Variants in AGBL1 observed in about 807,000 individuals in gnomAD.
AGBL1 encodes cytosolic carboxypeptidase 4.
A neutral mutation model predicts 118.9 loss-of-function variants in AGBL1; 130 were observed. The observed-to-expected ratio is 1.09, with a 90% CI of 0.95 to 1.26. AGBL1 has a LOEUF of 1.26. AGBL1 is among the 50% of genes most tolerant of loss of function. The probability of loss-of-function intolerance (pLI) is 0.00; values close to 1 mark genes in which losing one functional copy is unlikely to be tolerated. For missense variants in AGBL1, 1,584 were observed against 1,298.1 expected (o/e 1.22, Z -3.38); for synonymous variants, 555 against 478.9 (o/e 1.16, Z -2.08).
chr15:86,607,013 T>C (rs369218419), intron 21 of AGBL1, among the ~76,000 whole-genome samples: 29 of 148,780 alleles, frequency 1.9e-4, no homozygotes, highest in African/African-American at 7.1e-4. Flanking sequence ...TTTTAAAAAC[T>C]CTCTCCATAG....
At chr15:86,421,519 A>G (rs1040523321) in intron 18 of AGBL1, among the ~76,000 whole-genome samples, 2 of 152,230 alleles carry the variant, frequency 1.3e-5, no homozygotes, top group African/African-American at 4.8e-5. Flanking sequence ...GGTAAAGAAC[A>G]TTGACACTAT....
intron 5 of AGBL1, among the ~76,000 whole-genome samples, chr15:86,193,604 T>C (rs1754466521): frequency 6.6e-6 from 1 of 152,136 alleles, no homozygotes; most frequent in Admixed American, 6.6e-5. Flanking sequence ...GGACTGCATC[T>C]GTGAGTCTCT....
At chr15:86,343,765 C>G (rs1245531963) in intron 17 of AGBL1, among the ~76,000 whole-genome samples, 2 of 152,144 alleles carry the variant, frequency 1.3e-5, no homozygotes, top group South Asian at 2.1e-4. Flanking sequence ...AGTTTCTTCC[C>G]TTTTAGAGAA....
intron 22 of AGBL1, among the ~76,000 whole-genome samples, chr15:86,764,613 C>T (rs997786830): frequency 2.0e-5 from 3 of 151,998 alleles, no homozygotes; most frequent in Admixed American, 6.6e-5. Context: ...ATAATAAAGG[C>T]GTTGTTTATG....
intron 7 of AGBL1, among the ~76,000 whole-genome samples, chr15:86,252,878 G>C (rs915937427): frequency 2.0e-5 from 3 of 152,126 alleles, no homozygotes; most frequent in African/African-American, 7.2e-5. Context: ...TTGAAGCTAC[G>C]CCACATCTGC....
chr15:86,859,448 T>G (rs2079530063), intron 22 of AGBL1, among the ~76,000 whole-genome samples: 1 of 152,186 alleles, frequency 6.6e-6, no homozygotes, highest in Non-Finnish European at 1.5e-5. Context: ...ATAGAAGTAG[T>G]GTGAAGTTGA....
chr15:86,963,830 G>C (rs2081018641), intron 23 of AGBL1, among the ~76,000 whole-genome samples: 1 of 151,946 alleles, frequency 6.6e-6, no homozygotes. Context: ...ACGAGTGTCT[G>C]ATTTTTCCCA....
chr15:86,827,345 ATATATATATATATATATGTGTGTG>A (rs1162191713), intron 22 of AGBL1, among the ~76,000 whole-genome samples: 7 of 10,864 alleles, frequency 6.4e-4, no homozygotes, highest in African/African-American at 5.5e-3. Flanking sequence ...ATATGTGTAT[ATATATATATATATATATGTGTGTG>A]TATATATATA....
intron 22 of AGBL1, among the ~76,000 whole-genome samples, chr15:86,741,093 A>G (rs1021650418): frequency 3.3e-5 from 5 of 152,024 alleles, no homozygotes; most frequent in African/African-American, 1.2e-4. Context: ...GCAGAACACT[A>G]CACATCATTT....
At chr15:86,414,079 A>G (rs1265453213) in intron 18 of AGBL1, among the ~76,000 whole-genome samples, 1 of 152,204 alleles carries the variant, frequency 6.6e-6, no homozygotes, top group Non-Finnish European at 1.5e-5. Context: ...AGAAATGGAA[A>G]GACAAATACT....
chr15:86,461,324 T>C (rs1174525860), intron 18 of AGBL1, among the ~76,000 whole-genome samples: 1 of 152,160 alleles, frequency 6.6e-6, no homozygotes, highest in Non-Finnish European at 1.5e-5. Context: ...GAGCTATCTT[T>C]GAAGGAATCA....
At chr15:86,837,845 T>C (rs973487072) in intron 22 of AGBL1, among the ~76,000 whole-genome samples, 1 of 152,204 alleles carries the variant, frequency 6.6e-6, no homozygotes, top group African/African-American at 2.4e-5. Flanking sequence ...AACCTTTCTT[T>C]CAGGCTAGTT....
At chr15:86,195,235 T>C (rs1232467668) in intron 5 of AGBL1, among the ~76,000 whole-genome samples, 1 of 152,132 alleles carries the variant, frequency 6.6e-6, no homozygotes, top group Admixed American at 6.6e-5. Context: ...CAAATCCTTG[T>C]AAAATCATGG....
chr15:86,777,330 C>T (rs1232439946), intron 22 of AGBL1, among the ~76,000 whole-genome samples: 1 of 151,880 alleles, frequency 6.6e-6, no homozygotes, highest in Non-Finnish European at 1.5e-5. Flanking sequence ...TTATATATTA[C>T]ACAATTATAT....
At chr15:86,605,562 C>A (rs2084563576) in intron 21 of AGBL1, among the ~76,000 whole-genome samples, 1 of 152,178 alleles carries the variant, frequency 6.6e-6, no homozygotes, top group African/African-American at 2.4e-5. Context: ...GTATTTCAAG[C>A]TCTTTTTACT....
chr15:86,782,948 C>G (rs1406665157), intron 22 of AGBL1, among the ~76,000 whole-genome samples: 5 of 152,174 alleles, frequency 3.3e-5, no homozygotes, highest in Admixed American at 6.5e-5. Context: ...TTAACTTGCA[C>G]TAACCAAATT....
At chr15:86,251,671 G>T (rs1030781491) in intron 7 of AGBL1, among the ~76,000 whole-genome samples, 2 of 151,978 alleles carry the variant, frequency 1.3e-5, no homozygotes, top group East Asian at 3.9e-4. Context: ...TGAGTCTCAC[G>T]TTTCTGCACA....
intron 22 of AGBL1, among the ~76,000 whole-genome samples, chr15:86,778,594 A>G (rs879335056): frequency 3.9e-5 from 6 of 152,210 alleles, no homozygotes; most frequent in Non-Finnish European, 8.8e-5. Context: ...GAAGAGAAAT[A>G]TGGCTCTGTT....
intron 18 of AGBL1, among the ~76,000 whole-genome samples, chr15:86,474,822 C>T (rs954955679): frequency 2.6e-5 from 4 of 151,564 alleles, no homozygotes; most frequent in Non-Finnish European, 5.9e-5. Flanking sequence ...GGGAGGCACC[C>T]CCCAGTAGGG....
Sources: gnomAD v4.1 joint callset for allele counts (sites outside exome capture counted in the v4.1 genomes callset) on GRCh38, gnomAD v4.1.1 for gene constraint, MANE v1.5 for transcripts, NCBI Gene and HGNC (gene_info 2026-07-23, HGNC 2026-07-21) for gene names.